The following CKAP2 variants were observed in gnomAD, a reference collection of about 807,000 sequenced individuals.
CKAP2 encodes cytoskeleton associated protein 2.
CKAP2 carries 46 observed loss-of-function variants against 58.4 expected under a neutral mutation model. The observed-to-expected ratio is 0.79, with a 90% CI of 0.62 to 1.01. The LOEUF (loss-of-function observed/expected upper bound fraction) is 1.01, where lower values mean the gene tolerates loss of function less well. Ranked by LOEUF, CKAP2 falls within the 50% of genes least tolerant of loss-of-function variation. CKAP2 has a pLI of 0.00. For missense variants in CKAP2, 809 were observed against 796.4 expected (o/e 1.02, Z -0.19); for synonymous variants, 293 against 280.9 (o/e 1.04, Z -0.43).
At chr13:52,456,168 A>C in intron 1 of CKAP2, 1 of 1,049,260 alleles carries the variant, frequency 9.5e-7, no homozygotes, top group Non-Finnish European at 1.1e-6. Context: ...ATTCTCATCT[A>C]ACCCAGTTCT....
Position 52,476,512 on chromosome 13 carries a change from CTTACATAAACT to C in CKAP2, c.*1376_*1386del, listed in dbSNP as rs1196327318. 1 of 152,186 alleles carries C rather than the reference CTTACATAAACT, an allele frequency of 6.6e-6. No individual in the cohort carries two copies. The highest frequency in any genetic ancestry group is 1.5e-5 in the Non-Finnish European group (1 of 68,010). 9.4% of individuals were successfully genotyped at this position (152,186 alleles called of 1,614,324 possible). On this transcript the variant is annotated 3_prime_UTR_variant, in exon 9 of 9. Transcript: ENST00000258607. Reference sequence around the variant, plus strand: ...TATATTTTCAAAAGTCATCAGTCTACTTACATAAACTTTACCTAATTTTTTTCACTTTAACA... The same window carrying C: ...TATATTTTCAAAAGTCATCAGTCTACTTACCTAATTTTTTTCACTTTAACA...
At chr13:52,474,182 A>G in intron 8 of CKAP2, 98 bp downstream of exon 8, 1 of 1,212,654 alleles carries the variant, frequency 8.2e-7, no homozygotes, top group Middle Eastern at 2.3e-4. Context: ...TACAGCTACC[A>G]TTTATTAATA....
At position 52,456,618 on chromosome 13, in the gene CKAP2, GTTTA is replaced by G. The variant is rs1352525854; in HGVS notation, c.155+15_155+18del. 1.9e-6 allele frequency: 3 copies of G among 1,595,622 alleles called. No homozygotes were observed. Among genetic ancestry groups the G allele is most frequent in the Non-Finnish European group, 2.6e-6 (3 of 1,164,952 alleles). On this transcript the variant is annotated intron_variant, in intron 2 of 8. Transcript: ENST00000258607. ...TGAGATGTTATCCAGGTAAGGTCAA[GTTTA>G]TTTCTTTTCACTTCTGTAAAATTGT... is the stretch of plus-strand genomic sequence containing the variant.
chr13:52,459,501 T>G (rs75285656), intron 2 of CKAP2, among the ~76,000 whole-genome samples: 3,358 of 152,140 alleles, frequency 0.022, 169 homozygotes, highest in East Asian at 0.18. Context: ...ATTTTTGATT[T>G]TAGTAGAGAC....
At position 52,465,466 on chromosome 13, in the gene CKAP2, G is replaced by A; in HGVS notation, c.1476+1G>A. 2 of 1,610,742 alleles carry A rather than the reference G, an allele frequency of 1.2e-6. No individual in the cohort carries two copies. Among genetic ancestry groups the A allele is most frequent in the Non-Finnish European group, 1.7e-6 (2 of 1,177,802 alleles). On this transcript the variant is annotated splice_donor_variant, in intron 6 of 8. Coordinates refer to ENST00000258607, the MANE Select transcript of CKAP2 (RefSeq NM_018204.5). LOFTEE classifies it high-confidence loss of function. Reference sequence around the variant, plus strand: ...GAAAGCCATTCTGGCAGGGGCTCAGGTAAGATAAAAATTTACTGATCTTTA... The same window carrying A: ...GAAAGCCATTCTGGCAGGGGCTCAGATAAGATAAAAATTTACTGATCTTTA...
chr13:52,457,072 T>A (rs1327929700), intron 2 of CKAP2, among the ~76,000 whole-genome samples: 1 of 152,122 alleles, frequency 6.6e-6, no homozygotes. Context: ...AATTTTTGTA[T>A]TTTAAACAGA....
rs183989100 is a variant in CKAP2, at chr13:52,462,728, C to G, written c.1305+161C>G. Among the ~76,000 whole-genome samples, 8 of 152,194 alleles carry G rather than the reference C, an allele frequency of 5.3e-5. No homozygotes were observed. In the South Asian group the frequency reaches 1.2e-3, roughly 24 times the overall value. On this transcript the variant is annotated intron_variant, in intron 5 of 8. Coordinates refer to ENST00000258607, the MANE Select transcript of CKAP2 (RefSeq NM_018204.5). ...GGTTATTTTAACAATTATTTAATTG[C>G]GAGATACACTGCTTCATTCATTAAT... is the stretch of plus-strand genomic sequence containing the variant.
chr13:52,470,606 A>G lies in CKAP2; in HGVS notation c.1546+2259A>G, dbSNP rs960916158. Among the ~76,000 whole-genome samples the G allele has an allele frequency of 2.9e-5, 4 of 138,224 alleles. No homozygotes were observed. The East Asian group carries it at 7.9e-4, about 27-fold the overall frequency. 90.7% of individuals were successfully genotyped at this position (138,224 alleles called of 152,430 possible). A position where few individuals can be genotyped will look rare whatever the true frequency, so the allele number is the denominator to read the frequency against. The stretch of plus-strand genomic sequence containing the variant: ...AGCTTTTGATTACATGTATTAACTG[A>G]AAAAAAAAACTTGTTCATTGGGGTT... On this transcript the variant is annotated intron_variant, in intron 7 of 8. Coordinates refer to ENST00000258607, the MANE Select transcript of CKAP2 (RefSeq NM_018204.5).
chr13:52,459,057 A>G (rs190529605), intron 2 of CKAP2, among the ~76,000 whole-genome samples: 24 of 152,284 alleles, frequency 1.6e-4, no homozygotes, highest in African/African-American at 5.5e-4. Context: ...GAATAGGATT[A>G]AGTCTCCCCA....
rs966163026 is a variant in CKAP2, at chr13:52,469,753, C to T, written c.1546+1406C>T. On this transcript the variant is annotated intron_variant, in intron 7 of 8. Coordinates refer to ENST00000258607, the MANE Select transcript of CKAP2 (RefSeq NM_018204.5). ...CTGGGACTACAGGCGCCCGCCACCG[C>T]GCCCGGCTAATTTTTTGTATTTTTA... Among the ~76,000 whole-genome samples, 26 of 150,486 alleles carry T rather than the reference C, an allele frequency of 1.7e-4. 1 individual carries two copies. The highest frequency in any genetic ancestry group is 1.4e-3 in the East Asian group (7 of 5,108).
intron 2 of CKAP2, 138 bp from the exon 3 acceptor site, chr13:52,460,760 CA>C: frequency 1.2e-6 from 1 of 803,440 alleles, no homozygotes; most frequent in Non-Finnish European, 1.9e-6. Context: ...CCGCTTAGGA[CA>C]AATTTCAACT....
At position 52,474,958 on chromosome 13, in the gene CKAP2, A is replaced by G. The variant is rs558740110; in HGVS notation, c.1866A>G (p.Thr622=). The G allele has an allele frequency of 6.2e-7, 1 of 1,613,778 alleles. No homozygotes were observed. Among genetic ancestry groups the G allele is most frequent in the Non-Finnish European group, 8.5e-7 (1 of 1,179,648 alleles). Residue 622 remains threonine, a synonymous_variant, in exon 9 of 9, where the codon ACA becomes ACG. Coordinates refer to ENST00000258607, the MANE Select transcript of CKAP2 (RefSeq NM_018204.5). The part of the protein sequence containing the change: ...NSAFKELKFL[T]PVRRSRRLQE... ...CATTTAAAGAGCTGAAGTTTTTAAC[A>G]CCAGTGAGACGTTCTCGACGTCTTC...
chr13:52,458,245 G>A (rs1453384774), intron 2 of CKAP2, among the ~76,000 whole-genome samples: 1 of 152,080 alleles, frequency 6.6e-6, no homozygotes, highest in Non-Finnish European at 1.5e-5. Context: ...TAGGAGTTCT[G>A]TTTTGACTAT....
chr13:52,473,720 CGTGT>C, intron 7 of CKAP2, 105 bp from the exon 8 acceptor site: 2 of 927,108 alleles, frequency 2.2e-6, no homozygotes, highest in South Asian at 3.4e-5. Flanking sequence ...AGATGGCAAT[CGTGT>C]TCTTTTATTT....
intron 1 of CKAP2, 106 bp downstream of exon 1, chr13:52,455,732 G>A: frequency 3.2e-6 from 4 of 1,234,736 alleles, no homozygotes. Flanking sequence ...CCTCTCCCCC[G>A]CTCTGTGAGA....
In CKAP2 at chr13:52,461,756, TA is replaced by T; in HGVS notation, c.932del (p.Lys311ArgfsTer7). ...GTTCTTCTCAAGGTATAATAAGAAA[TA>T]AGACTCTATCAAGATCCATAGCATC... Reference protein sequence around the residue: ...TSSSQGIIRNKTLSRSIASEV... With the variant: ...TSSSQGIIRNXTLSRSIASEV... On this transcript the variant is annotated frameshift_variant, in exon 4 of 9. Transcript: ENST00000258607. LOFTEE classifies it high-confidence loss of function. 6.2e-7 allele frequency: 1 copy of T among 1,613,874 alleles called. No individual in the cohort carries two copies. Among genetic ancestry groups the T allele is most frequent in the Non-Finnish European group, 8.5e-7 (1 of 1,179,852 alleles).
At chr13:52,468,986 C>T (rs1252457901) in intron 7 of CKAP2, among the ~76,000 whole-genome samples, 1 of 152,172 alleles carries the variant, frequency 6.6e-6, no homozygotes, top group Non-Finnish European at 1.5e-5. Flanking sequence ...AATTTATACT[C>T]CCACCAACAA....
intron 5 of CKAP2, among the ~76,000 whole-genome samples, chr13:52,464,709 G>C (rs1958638683): frequency 6.6e-6 from 1 of 151,908 alleles, no homozygotes; most frequent in Non-Finnish European, 1.5e-5. Flanking sequence ...TAATATCTTT[G>C]TTTCCTGACT....
Position 52,462,456 on chromosome 13 carries a change from T to A in CKAP2, c.1194T>A (p.Asn398Lys). Residue 398 changes from asparagine to lysine, a missense_variant, in exon 5 of 9, where the codon AAT becomes AAA. Physicochemically the swap from Asn to Lys is moderately conservative, Grantham distance 94. This residue lies in a region of CKAP2 where 523 missense variants were observed against 492.4 expected (regional missense o/e 1.06). Coordinates refer to ENST00000258607, the MANE Select transcript of CKAP2 (RefSeq NM_018204.5). ...VVTQHEPAGQ[N>K]EKPVGSFWTT... is the part of the protein sequence containing the mutation. Reference sequence around the variant, plus strand: ...CTCAGCATGAGCCTGCAGGACAAAATGAAAAACCAGTTGGGTCTTTTTGGA... The same window carrying A: ...CTCAGCATGAGCCTGCAGGACAAAAAGAAAAACCAGTTGGGTCTTTTTGGA... 4.3e-6 allele frequency: 7 copies of A among 1,614,034 alleles called. No individual in the cohort carries two copies. The highest frequency in any genetic ancestry group is 5.9e-6 in the Non-Finnish European group (7 of 1,179,974).
Sources: gnomAD v4.1 joint callset for allele counts (sites outside exome capture counted in the v4.1 genomes callset) on GRCh38, gnomAD v4.1.1 for gene constraint, gnomAD v4.1.1 regional missense constraint, MANE v1.5 for transcripts, NCBI Gene and HGNC (gene_info 2026-07-23, HGNC 2026-07-21) for gene names.